Variants in LYRM4 observed in about 807,000 individuals in gnomAD.
LYRM4 encodes the protein LYR motif-containing protein 4.
Under a neutral mutation model 11.7 loss-of-function variants are expected in LYRM4, and 9 were observed. The ratio of observed to expected loss-of-function variants is 0.77; its 90% confidence interval spans 0.46 to 1.34. The LOEUF (loss-of-function observed/expected upper bound fraction) is 1.34, where lower values mean the gene tolerates loss of function less well. LYRM4 is among the 40% of genes most tolerant of loss of function. LYRM4 has a pLI of 0.00. For missense variants in LYRM4, 133 were observed against 112.5 expected, an observed-to-expected ratio of 1.18 and a Z score of -0.82; for synonymous variants, 42 against 40.4, an observed-to-expected ratio of 1.04 and a Z score of -0.15.
At chr6:5,239,550 CAA>C (rs1213199717) in intron 1 of LYRM4, among the ~76,000 whole-genome samples, 1 of 151,838 alleles carries the variant, frequency 6.6e-6, no homozygotes. Context: ...CAAGCGGAGC[CAA>C]GAGAGGAGCA....
chr6:5,231,143 G>A (rs1320554408), intron 1 of LYRM4, among the ~76,000 whole-genome samples: 2 of 152,092 alleles, frequency 1.3e-5, no homozygotes, highest in African/African-American at 4.8e-5. Flanking sequence ...TGGGCGTGGT[G>A]GCGGGCACCT....
intron 1 of LYRM4, among the ~76,000 whole-genome samples, chr6:5,249,920 T>C (rs1325166771): frequency 6.6e-6 from 1 of 152,206 alleles, no homozygotes; most frequent in Non-Finnish European, 1.5e-5. Context: ...CTCAGCAAAG[T>C]CTGCATATGA....
chr6:5,256,491 GAAA>G (rs1161084364), intron 1 of LYRM4, among the ~76,000 whole-genome samples: 260 of 43,736 alleles, frequency 5.9e-3, no homozygotes, highest in Non-Finnish European at 7.2e-3. Flanking sequence ...ATTTCAACTG[GAAA>G]AAAAAAAAAA....
intron 2 of LYRM4, among the ~76,000 whole-genome samples, chr6:5,207,369 C>T (rs9378943): frequency 0.21 from 31,249 of 148,904 alleles, 3,630 homozygotes; most frequent in Admixed American, 0.26. Flanking sequence ...AATGAGTGCA[C>T]GCCCTCATAT....
intron 2 of LYRM4, among the ~76,000 whole-genome samples, chr6:5,151,084 A>T (rs12529212): frequency 0.11 from 14,639 of 136,688 alleles, 923 homozygotes; most frequent in South Asian, 0.25. Context: ...TTTGTTTTGA[A>T]TTTTTTTTTT....
chr6:5,085,819 G>C, the LYRM4 span: 1 of 1,527,870 alleles, frequency 6.5e-7, no homozygotes, highest in Non-Finnish European at 8.8e-7. Flanking sequence ...ACTGGGCGGC[G>C]AGGGGGCGGA....
the LYRM4 span, among the ~76,000 whole-genome samples, chr6:5,063,497 GC>G: frequency 6.6e-6 from 1 of 152,016 alleles, no homozygotes; most frequent in Non-Finnish European, 1.5e-5. Context: ...ATCAGTTGTC[GC>G]CATGGGACGC....
the LYRM4 span, among the ~76,000 whole-genome samples, chr6:5,037,614 A>G: frequency 1.3e-5 from 1 of 77,674 alleles, no homozygotes; most frequent in Non-Finnish European, 3.0e-5. Flanking sequence ...CACCTCCCGG[A>G]CGGGGCGGCT....
intron 1 of LYRM4, among the ~76,000 whole-genome samples, chr6:5,258,659 C>T (rs549050329): frequency 2.0e-5 from 3 of 152,100 alleles, no homozygotes; most frequent in African/African-American, 7.2e-5. Flanking sequence ...GCAGGAATGT[C>T]GGTTTTTAGG....
At chr6:5,091,187 G>A in the LYRM4 span, among the ~76,000 whole-genome samples, 1 of 152,226 alleles carries the variant, frequency 6.6e-6, no homozygotes. Flanking sequence ...AATCAGGGAT[G>A]TGCTGCCTGA....
chr6:5,055,423 T>G, the LYRM4 span, among the ~76,000 whole-genome samples: 1 of 151,978 alleles, frequency 6.6e-6, no homozygotes, highest in Admixed American at 6.6e-5. This position sits in a 1 kb window ranked among gnomAD's most constrained non-coding sequence, Gnocchi z 4.5. Context: ...GAAATGGGAG[T>G]AAGAGTAGGC....
At chr6:5,221,749 T>C (rs1386786750) in intron 1 of LYRM4, among the ~76,000 whole-genome samples, 1 of 152,222 alleles carries the variant, frequency 6.6e-6, no homozygotes, top group Admixed American at 6.5e-5. Flanking sequence ...CAATACTTCC[T>C]TCCTCAGGTA....
At chr6:5,100,908 C>T (rs1359466094), downstream of LYRM4, among the ~76,000 whole-genome samples, 1 of 152,210 alleles carries the variant, frequency 6.6e-6, no homozygotes, top group African/African-American at 2.4e-5. Context: ...TTGGAAATGC[C>T]TTTTGGATTC....
At chr6:5,217,866 CTAAG>C (rs776313446) in intron 1 of LYRM4, among the ~76,000 whole-genome samples, 2 of 152,176 alleles carry the variant, frequency 1.3e-5, no homozygotes, top group Non-Finnish European at 2.9e-5. Flanking sequence ...AGGCATAAGA[CTAAG>C]GAGAAGCAGA....
intron 2 of LYRM4, among the ~76,000 whole-genome samples, chr6:5,178,804 CAAAAA>C (rs56880549): frequency 1.0e-4 from 3 of 30,022 alleles, no homozygotes; most frequent in African/African-American, 2.9e-4. Flanking sequence ...GACTCTGTCT[CAAAAA>C]AAAAAAAAAA....
the LYRM4 span, among the ~76,000 whole-genome samples, chr6:5,040,187 C>T: frequency 6.6e-6 from 1 of 151,512 alleles, no homozygotes; most frequent in African/African-American, 2.4e-5. Flanking sequence ...AGCATGGTGG[C>T]GCACGCCTGT....
At chr6:5,098,029 C>T in the LYRM4 span, among the ~76,000 whole-genome samples, 1 of 152,096 alleles carries the variant, frequency 6.6e-6, no homozygotes, top group African/African-American at 2.4e-5. Flanking sequence ...TGCTATGTTG[C>T]CCAGCTTGGC....
the LYRM4 span, among the ~76,000 whole-genome samples, chr6:5,039,703 A>G: frequency 2.6e-5 from 4 of 152,224 alleles, no homozygotes; most frequent in African/African-American, 9.7e-5. Context: ...AAAAATTAAC[A>G]CTAAATAAGT....
chr6:5,050,629 C>G, the LYRM4 span, among the ~76,000 whole-genome samples: 1 of 152,024 alleles, frequency 6.6e-6, no homozygotes, highest in African/African-American at 2.4e-5. Flanking sequence ...TTTGGAAAGT[C>G]ATCACACAAG....
Sources: gnomAD v4.1 joint callset for allele counts (sites outside exome capture counted in the v4.1 genomes callset) on GRCh38, gnomAD v4.1.1 for gene constraint, Gnocchi (gnomAD v3.1) non-coding constraint, MANE v1.5 for transcripts, NCBI Gene and HGNC (gene_info 2026-07-23, HGNC 2026-07-21) for gene names.